Variants in CCNG1 observed in about 807,000 individuals in gnomAD.
The protein encoded by CCNG1 is cyclin G1, also known as cyclin-G1.
In CCNG1, 13 loss-of-function variants were observed where a neutral mutation model predicts 30.0. That is an observed-to-expected ratio of 0.43 (90% CI 0.28 to 0.69). The LOEUF is 0.69. Ranked by LOEUF, CCNG1 falls within the 30% of genes least tolerant of loss-of-function variation. The pLI is 0.16. For missense variants in CCNG1, 285 were observed against 331.4 expected (o/e 0.86, Z 1.09); for synonymous variants, 110 against 121.5 (o/e 0.91, Z 0.62).
At chr5:163,439,076 A>G in intron 1 of CCNG1, 181 bp from the exon 2 acceptor site, 3 of 551,506 alleles carry the variant, frequency 5.4e-6, no homozygotes, top group Non-Finnish European at 9.5e-6. Flanking sequence ...TCAATTTAGG[A>G]TGTGACCAAC....
chr5:163,439,236 G>C (rs752347567), intron 1 of CCNG1, 21 bp from the exon 2 acceptor site: 1 of 1,605,684 alleles, frequency 6.2e-7, no homozygotes. Flanking sequence ...ACTCCTTGCT[G>C]GTCTTTTTTT....
At chr5:163,445,409 AG>A (rs1758015513), downstream of CCNG1, among the ~76,000 whole-genome samples, 1 of 152,130 alleles carries the variant, frequency 6.6e-6, no homozygotes, top group Non-Finnish European at 1.5e-5. Context: ...GCATAGTACC[AG>A]AAACAATAAA....
chr5:163,443,423 A>T (rs1400061410), intron 6 of CCNG1, among the ~76,000 whole-genome samples: 1 of 152,190 alleles, frequency 6.6e-6, no homozygotes, highest in East Asian at 1.9e-4. Context: ...TTGCTATAGC[A>T]GCTGGACTAC....
chr5:163,456,522 A>T, the CCNG1 span, among the ~76,000 whole-genome samples: 3 of 152,192 alleles, frequency 2.0e-5, no homozygotes, highest in African/African-American at 7.2e-5. Context: ...GTGATCCTCC[A>T]TTTATGCTAA....
intron 2 of CCNG1, among the ~76,000 whole-genome samples, chr5:163,440,648 T>A (rs1757765913): frequency 6.6e-6 from 1 of 152,202 alleles, no homozygotes; most frequent in Non-Finnish European, 1.5e-5. Context: ...AACTGTTTTA[T>A]ATGTGTTCCC....
intron 1 of CCNG1, 24 bp from the exon 2 acceptor site, chr5:163,439,233 G>A (rs754605512): frequency 1.2e-6 from 2 of 1,604,116 alleles, no homozygotes; most frequent in Non-Finnish European, 1.7e-6. Flanking sequence ...TACACTCCTT[G>A]CTGGTCTTTT....
the CCNG1 span, chr5:163,452,229 C>T: frequency 6.6e-6 from 1 of 152,098 alleles, no homozygotes; most frequent in Non-Finnish European, 1.5e-5. Flanking sequence ...TAAAGACATG[C>T]ATTATATATA....
At chr5:163,450,866 G>C (rs1480307717), downstream of CCNG1, 1 of 152,198 alleles carries the variant, frequency 6.6e-6, no homozygotes, top group African/African-American at 2.4e-5. Context: ...AGCAGCTTTA[G>C]TCAGGACAGC....
chr5:163,452,251 C>T, the CCNG1 span: 1 of 152,094 alleles, frequency 6.6e-6, no homozygotes, highest in Non-Finnish European at 1.5e-5. Flanking sequence ...ACACCAACGG[C>T]AATTGCACAC....
intron 6 of CCNG1, among the ~76,000 whole-genome samples, 152 bp from the exon 7 acceptor site, chr5:163,443,519 GTGA>G (rs1214306997): frequency 1.1e-4 from 17 of 152,224 alleles, no homozygotes; most frequent in African/African-American, 4.1e-4. Flanking sequence ...TCCTAACTCA[GTGA>G]TGATTTATTC....
At chr5:163,455,759 C>T in the CCNG1 span, among the ~76,000 whole-genome samples, 2 of 150,650 alleles carry the variant, frequency 1.3e-5, no homozygotes, top group Admixed American at 1.3e-4. Context: ...AAAAGAACTG[C>T]TCTAACTGCT....
At chr5:163,439,610 T>TG (rs375912615) in intron 2 of CCNG1, 90 bp downstream of exon 2, 348,647 of 1,062,342 alleles carry the variant, frequency 0.33, 53,369 homozygotes, top group African/African-American at 0.56. Flanking sequence ...AAACTTGACC[T>TG]TTTTTTTTTC....
chr5:163,443,172 C>T (rs1332441422), intron 6 of CCNG1, among the ~76,000 whole-genome samples: 2 of 151,968 alleles, frequency 1.3e-5, no homozygotes, highest in African/African-American at 4.8e-5. Context: ...TTTAGCCAGT[C>T]GCGGTGGCGG....
chr5:163,451,014 T>C (rs1758163186), downstream of CCNG1: 1 of 152,092 alleles, frequency 6.6e-6, no homozygotes, highest in Non-Finnish European at 1.5e-5. Context: ...TTAAGACATG[T>C]AAAGTGAAGG....
chr5:163,442,266 G>A, intron 5 of CCNG1, 108 bp from the exon 6 acceptor site: 1 of 1,106,528 alleles, frequency 9.0e-7, no homozygotes, highest in Non-Finnish European at 1.3e-6. Context: ...ATCCTCAAAT[G>A]TTTTTAATGA....
chr5:163,455,270 G>A, the CCNG1 span, among the ~76,000 whole-genome samples: 3 of 152,220 alleles, frequency 2.0e-5, no homozygotes, highest in Admixed American at 2.0e-4. Flanking sequence ...GAGCATTGCA[G>A]TCAGGATAGC....
chr5:163,453,789 T>C, the CCNG1 span: 15 of 412,282 alleles, frequency 3.6e-5, no homozygotes, highest in Non-Finnish European at 5.8e-5. Context: ...ATAGAATAGT[T>C]CCCACAGTAC....
chr5:163,457,604 G>C, the CCNG1 span: 136 of 1,582,026 alleles, frequency 8.6e-5, no homozygotes, highest in Non-Finnish European at 1.1e-4. Context: ...GAATCAAAGA[G>C]TTTGCCCTGA....
chr5:163,455,604 ATACAAAAAAAT>A, the CCNG1 span, among the ~76,000 whole-genome samples: 2 of 152,192 alleles, frequency 1.3e-5, no homozygotes, highest in Non-Finnish European at 2.9e-5. Context: ...TCTACTAAAA[ATACAAAAAAAT>A]TAGCCGTGCG....
Sources: allele counts gnomAD v4.1 joint callset (sites outside exome capture counted in the v4.1 genomes callset), GRCh38; gene constraint gnomAD v4.1.1; transcripts MANE v1.5; gene names NCBI Gene and HGNC (gene_info 2026-07-23, HGNC 2026-07-21).